Variants in CNTNAP2 observed in about 807,000 individuals in gnomAD.
CNTNAP2 encodes contactin associated protein 2.
A neutral mutation model predicts 155.2 loss-of-function variants in CNTNAP2; 98 were observed. The observed-to-expected ratio is 0.63, with a 90% CI of 0.54 to 0.75. The LOEUF (loss-of-function observed/expected upper bound fraction) is 0.75. CNTNAP2 is among the 30% of genes least tolerant of loss of function. CNTNAP2 has a pLI of 0.00. For missense variants in CNTNAP2, 1,727 were observed against 1,688.1 expected (o/e 1.02, Z -0.40); for synonymous variants, 651 against 631.2 (o/e 1.03, Z -0.47).
chr7:146,622,892 G>C (rs1799352672), intron 1 of CNTNAP2, among the ~76,000 whole-genome samples: 1 of 151,358 alleles, frequency 6.6e-6, no homozygotes, highest in Non-Finnish European at 1.5e-5. Flanking sequence ...GGCCAGCGGA[G>C]GTTGCAGTGA....
At chr7:147,181,230 C>A (rs567587062) in intron 8 of CNTNAP2, among the ~76,000 whole-genome samples, 1 of 151,976 alleles carries the variant, frequency 6.6e-6, no homozygotes, top group Non-Finnish European at 1.5e-5. Flanking sequence ...GACCAGAAGC[C>A]GGAGATCCGG....
At chr7:147,389,971 C>CA (rs1796682217) in intron 9 of CNTNAP2, among the ~76,000 whole-genome samples, 1 of 151,978 alleles carries the variant, frequency 6.6e-6, no homozygotes, top group South Asian at 2.1e-4. Context: ...TTTATATTAC[C>CA]AAAAAATCCC....
At chr7:146,984,184 A>G (rs570859292) in intron 3 of CNTNAP2, among the ~76,000 whole-genome samples, 8 of 151,976 alleles carry the variant, frequency 5.3e-5, no homozygotes, top group Non-Finnish European at 8.8e-5. Context: ...CCTGATCAAC[A>G]TGAAGAAACC....
chr7:146,559,229 A>G (rs944760635), intron 1 of CNTNAP2, among the ~76,000 whole-genome samples: 2 of 152,050 alleles, frequency 1.3e-5, no homozygotes, highest in Non-Finnish European at 2.9e-5. Flanking sequence ...ACACACACAT[A>G]TATATCACAT....
chr7:146,693,279 A>G (rs1800727535), intron 1 of CNTNAP2, among the ~76,000 whole-genome samples: 1 of 151,980 alleles, frequency 6.6e-6, no homozygotes, highest in South Asian at 2.1e-4. Flanking sequence ...TTTCACTTTC[A>G]TGTATTTTCT....
At chr7:147,995,361 C>T (rs903574304) in intron 15 of CNTNAP2, among the ~76,000 whole-genome samples, 2 of 152,020 alleles carry the variant, frequency 1.3e-5, no homozygotes, top group African/African-American at 4.8e-5. Flanking sequence ...CTCTCCTTCC[C>T]CTGCTCCCCA....
chr7:146,587,152 AG>A (rs1403841810), intron 1 of CNTNAP2, among the ~76,000 whole-genome samples: 1 of 152,064 alleles, frequency 6.6e-6, no homozygotes, highest in South Asian at 2.1e-4. Flanking sequence ...ATACCACAAA[AG>A]GTGTCTGGGT....
At chr7:148,349,622 C>T (rs998520671) in intron 21 of CNTNAP2, among the ~76,000 whole-genome samples, 4 of 151,970 alleles carry the variant, frequency 2.6e-5, no homozygotes, top group Admixed American at 6.6e-5. Context: ...AGGATGGTCT[C>T]GATCTCCTGA....
chr7:147,666,011 A>G (rs756645291), intron 13 of CNTNAP2, among the ~76,000 whole-genome samples: 3 of 152,192 alleles, frequency 2.0e-5, no homozygotes, highest in African/African-American at 4.8e-5. Context: ...CATTTGAGCC[A>G]TTCTCATGAG....
At chr7:147,453,172 G>GC (rs1018105377) in intron 10 of CNTNAP2, among the ~76,000 whole-genome samples, 1 of 152,140 alleles carries the variant, frequency 6.6e-6, no homozygotes, top group African/African-American at 2.4e-5. Context: ...GTTGTCTTAA[G>GC]CATGCCATGT....
At chr7:146,856,289 G>GATACATACATAC (rs1360164526) in intron 3 of CNTNAP2, among the ~76,000 whole-genome samples, 7 of 64,406 alleles carry the variant, frequency 1.1e-4, no homozygotes, top group African/African-American at 6.2e-4. Flanking sequence ...TAGATAGATA[G>GATACATACATAC]ATAGATAGAT....
chr7:147,798,909 G>A (rs897781119), intron 13 of CNTNAP2, among the ~76,000 whole-genome samples: 7 of 152,250 alleles, frequency 4.6e-5, no homozygotes, highest in Non-Finnish European at 7.4e-5. Context: ...AAGTCTAACC[G>A]TGTTTTCCTC....
At position 147,619,909 on chromosome 7, in the gene CNTNAP2, A is replaced by G. The variant is rs576779270; in HGVS notation, c.1898-19197A>G. Among the ~76,000 whole-genome samples the G allele has an allele frequency of 4.2e-4, 64 of 152,324 alleles. No homozygotes were observed. The South Asian group carries it at 0.013, about 31-fold the overall frequency. On this transcript the variant is annotated intron_variant, in intron 12 of 23. Transcript: ENST00000361727. ...CCTGTGCTGGCTTTAGATCTGACCC[A>G]GCACAATCCTAGTGGTGGTGGCCAA...
At chr7:147,189,899 C>T (rs1268318802) in intron 8 of CNTNAP2, among the ~76,000 whole-genome samples, 1 of 152,066 alleles carries the variant, frequency 6.6e-6, no homozygotes, top group Non-Finnish European at 1.5e-5. Context: ...TGCCCGCCAC[C>T]ACGCCCGGCT....
At chr7:147,461,930 T>C (rs186378971) in intron 10 of CNTNAP2, among the ~76,000 whole-genome samples, 2 of 152,326 alleles carry the variant, frequency 1.3e-5, no homozygotes, top group African/African-American at 4.8e-5. Flanking sequence ...TTTCCAATAT[T>C]TAATGTTATC....
chr7:147,970,853 A>T (rs1159081332), intron 14 of CNTNAP2, among the ~76,000 whole-genome samples: 1 of 152,200 alleles, frequency 6.6e-6, no homozygotes, highest in Admixed American at 6.5e-5. Flanking sequence ...AGGTTGGGAT[A>T]CAAAAGACAA....
intron 9 of CNTNAP2, among the ~76,000 whole-genome samples, chr7:147,327,712 G>A (rs1016218144): frequency 6.6e-6 from 1 of 152,008 alleles, no homozygotes; most frequent in Non-Finnish European, 1.5e-5. Flanking sequence ...ACATATAGTT[G>A]AGCACTTTAA....
intron 3 of CNTNAP2, among the ~76,000 whole-genome samples, chr7:146,960,584 G>C (rs1416318900): frequency 6.6e-6 from 1 of 152,102 alleles, no homozygotes; most frequent in Non-Finnish European, 1.5e-5. Flanking sequence ...TGTCATACAA[G>C]GCATATAAGG....
intron 1 of CNTNAP2, among the ~76,000 whole-genome samples, chr7:146,204,867 G>A (rs1584801288): frequency 1.3e-5 from 2 of 151,990 alleles, no homozygotes; most frequent in Middle Eastern, 6.8e-3. Flanking sequence ...AATGTAAGGA[G>A]TGCCATATTT....
Sources: allele counts gnomAD v4.1 joint callset (sites outside exome capture counted in the v4.1 genomes callset), GRCh38; gene constraint gnomAD v4.1.1; transcripts MANE v1.5; gene names NCBI Gene and HGNC (gene_info 2026-07-23, HGNC 2026-07-21).